Variants in VPS52 observed in about 807,000 individuals in gnomAD.
The protein encoded by VPS52 is VPS52 subunit of GARP complex.
A neutral mutation model predicts 98.7 loss-of-function variants in VPS52; 56 were observed. That is an observed-to-expected ratio of 0.57 (90% CI 0.46 to 0.71). The LOEUF is 0.71. VPS52 is among the 30% of genes least tolerant of loss of function. The pLI is 0.00. For missense variants in VPS52, 742 were observed against 925.9 expected (o/e 0.80, Z 2.58); for synonymous variants, 348 against 346.4 (o/e 1.00, Z -0.05).
chr6:33,264,563 G>C, intron 13 of VPS52, 66 bp from the exon 14 acceptor site: 1 of 1,603,602 alleles, frequency 6.2e-7, no homozygotes, highest in Non-Finnish European at 8.5e-7. Flanking sequence ...GGAGGGAGTG[G>C]GGCATCATTC....
Position 33,250,915 on chromosome 6 carries a change from G to C in VPS52, c.2098C>G (p.Leu700Val). Residue 700 changes from leucine to valine, a missense_variant, in exon 20 of 20, where the codon CTC becomes GTC. This residue lies in a region of VPS52 where 590 missense variants were observed against 793.3 expected (regional missense o/e 0.74). Transcript: ENST00000445902. ...TTGATGAGCTCAGCCCGGGCAGGGA[G>C]GGCTCGGAGCTGCGGCTGGGACAGC... ...RVLSQPQLRA[L>V]PARAELINIH... 6.2e-7 allele frequency: 1 copy of C among 1,613,092 alleles called. No individual in the cohort carries two copies. Among genetic ancestry groups the C allele is most frequent in the South Asian group, 1.1e-5 (1 of 91,086 alleles).
rs779547531 is a variant in VPS52 at position 33,268,075 on chromosome 6, A to G, written c.800+33T>C. 57 of 1,612,828 alleles carry G rather than the reference A, an allele frequency of 3.5e-5. No homozygotes were observed. In the South Asian group the frequency reaches 5.6e-4, roughly 16 times the overall value. Reference sequence around the variant, plus strand: ...CACACTAGGCCGCTCAAAAACTCAAAGGCCATCCCATGCACTTCCTTGGGG... The same window carrying G: ...CACACTAGGCCGCTCAAAAACTCAAGGGCCATCCCATGCACTTCCTTGGGG... On this transcript the variant is annotated intron_variant, in intron 8 of 19. Coordinates refer to ENST00000445902, the MANE Select transcript of VPS52 (RefSeq NM_022553.6). The surrounding 1 kb of genome is among the most constrained non-coding windows in gnomAD (Gnocchi z 4.0).
At chr6:33,270,171 A>T in intron 2 of VPS52, 28 bp downstream of exon 2, 1 of 1,612,242 alleles carries the variant, frequency 6.2e-7, no homozygotes, top group Non-Finnish European at 8.5e-7. Flanking sequence ...GATTACAGGT[A>T]CTGCACCCAC....
At chr6:33,270,081 A>T in intron 2 of VPS52, 30 bp from the exon 3 acceptor site, 1 of 1,614,072 alleles carries the variant, frequency 6.2e-7, no homozygotes, top group South Asian at 1.1e-5. Flanking sequence ...ATAAGGGTCC[A>T]GCTCCACAGC....
intron 5 of VPS52, 140 bp downstream of exon 5, chr6:33,269,350 A>G: frequency 7.0e-7 from 1 of 1,420,082 alleles, no homozygotes; most frequent in Non-Finnish European, 9.8e-7. Flanking sequence ...TATGGCAGTA[A>G]TAACAAAAAA....
intron 1 of VPS52, chr6:33,271,134 T>C: frequency 4.2e-6 from 2 of 471,668 alleles, no homozygotes; most frequent in Non-Finnish European, 3.8e-6. Context: ...ACATAGTGTT[T>C]ACCTGCATGC....
chr6:33,262,040 C>CAAAAAAAAAAAAAAAAAAAA (rs9257102), intron 17 of VPS52, among the ~76,000 whole-genome samples: 2 of 15,378 alleles, frequency 1.3e-4, no homozygotes, highest in Admixed American at 1.8e-3. Context: ...AACTCCATCT[C>CAAAAAAAAAAAAAAAAAAAA]AAAAAAAAAA....
At chr6:33,271,926 A>C, upstream of VPS52, 6 of 1,068,574 alleles carry the variant, frequency 5.6e-6, no homozygotes, top group South Asian at 9.6e-5. Context: ...ACGAACTGTA[A>C]AGAAAGGCGC....
chr6:33,267,829 C>T lies in VPS52; in HGVS notation c.933+36G>A, dbSNP rs1376672414. On this transcript the variant is annotated intron_variant, in intron 9 of 19. Transcript: ENST00000445902. The surrounding 1 kb of genome is among the most constrained non-coding windows in gnomAD (Gnocchi z 4.2). ...CCAGGGATGTCCCCTCCTCCCAGTC[C>T]ATGTGCCCAGGAATACCTCTCCCTC... 2 of 1,612,846 alleles carry T rather than the reference C, an allele frequency of 1.2e-6. No homozygotes were observed.
intron 1 of VPS52, among the ~76,000 whole-genome samples, chr6:33,270,603 TGGGTAACACA>T: frequency 6.6e-6 from 1 of 152,082 alleles, no homozygotes; most frequent in Non-Finnish European, 1.5e-5. Context: ...AAGGTCAACC[TGGGTAACACA>T]GGGAAACCCG....
At chr6:33,262,008 C>G (rs922276212) in intron 17 of VPS52, among the ~76,000 whole-genome samples, 2 of 127,588 alleles carry the variant, frequency 1.6e-5, no homozygotes, top group Admixed American at 9.4e-5. Context: ...CCATCGCACT[C>G]CAGCCTGGAC....
chr6:33,251,484 G>A (rs1432208004), intron 19 of VPS52, 34 bp downstream of exon 19: 1 of 1,345,520 alleles, frequency 7.4e-7, no homozygotes, highest in Non-Finnish European at 1.1e-6. Context: ...TTAATGATGG[G>A]GGATCTGAGT....
intron 17 of VPS52, among the ~76,000 whole-genome samples, chr6:33,256,517 A>C (rs933317074): frequency 6.9e-6 from 1 of 145,522 alleles, no homozygotes; most frequent in African/African-American, 2.5e-5. Flanking sequence ...TAGGGAGCCC[A>C]TGATCATGAT....
rs1431172889 is a variant in VPS52 at position 33,264,766 on chromosome 6, AC to A, written c.1400+15del. ...GTTCGTGGCCTGTTGGGCATCAAGG[AC>A]CAGAATTCAGTGACCTGTCCAGGGC... is the stretch of plus-strand genomic sequence containing the variant. On this transcript the variant is annotated intron_variant, in intron 13 of 19. Coordinates refer to ENST00000445902, the MANE Select transcript of VPS52 (RefSeq NM_022553.6). 7 of 1,609,710 alleles carry A rather than the reference AC, an allele frequency of 4.3e-6. No individual in the cohort carries two copies. Among genetic ancestry groups the A allele is most frequent in the Non-Finnish European group, 5.9e-6 (7 of 1,176,918 alleles).
At chr6:33,269,233 G>A in intron 5 of VPS52, 44 bp from the exon 6 acceptor site, 1 of 1,603,966 alleles carries the variant, frequency 6.2e-7, no homozygotes, top group Non-Finnish European at 8.5e-7. Flanking sequence ...AGGGTTTGTA[G>A]GGGATAAGTG....
rs1166510036 is a variant in VPS52 at position 33,267,816 on chromosome 6, C to T, written c.933+49G>A. ...AAATATTCCTTGCCCAGGGATGTCC[C>T]CTCCTCCCAGTCCATGTGCCCAGGA... On this transcript the variant is annotated intron_variant, in intron 9 of 19. Coordinates refer to ENST00000445902, the MANE Select transcript of VPS52 (RefSeq NM_022553.6). The surrounding 1 kb of genome is among the most constrained non-coding windows in gnomAD (Gnocchi z 4.2). 2 of 1,612,820 alleles carry T rather than the reference C, an allele frequency of 1.2e-6. No homozygotes were observed. The highest frequency in any genetic ancestry group is 1.7e-6 in the Non-Finnish European group (2 of 1,179,976).
rs529282089 is a variant in VPS52, at chr6:33,268,742, C to G, written c.549-93G>C. The G allele has an allele frequency of 2.0e-5, 28 of 1,410,654 alleles. No homozygotes were observed. In the East Asian group the frequency reaches 4.8e-4, roughly 24 times the overall value. The allele number at this position is 1,410,654 out of a possible 1,614,324, so 87.4% of individuals were successfully genotyped here. A position where few individuals can be genotyped will look rare whatever the true frequency, so the allele number is the denominator to read the frequency against. On this transcript the variant is annotated intron_variant, in intron 6 of 19. Transcript: ENST00000445902. This position sits in a 1 kb window ranked among gnomAD's most constrained non-coding sequence, Gnocchi z 4.0. ...CACACTCCTTACCTCCAGCCCCTGT[C>G]ATCTCTACCACCTTGCATTGTACCA... is the stretch of plus-strand genomic sequence containing the variant.
Position 33,264,510 on chromosome 6 carries a change from T to C in VPS52, c.1401-13A>G. 1 of 1,613,756 alleles carries C rather than the reference T, an allele frequency of 6.2e-7. No individual in the cohort carries two copies. Among genetic ancestry groups the C allele is most frequent in the Admixed American group, 1.7e-5 (1 of 59,940 alleles). On this transcript the variant is annotated splice_polypyrimidine_tract_variant and intron_variant, in intron 13 of 19. Coordinates refer to ENST00000445902, the MANE Select transcript of VPS52 (RefSeq NM_022553.6). ...CTGTTCCCAGTACCTGTGGGCTTAA[T>C]CAGAATCAGAGGTCAGCCAGCAAGG... is the stretch of plus-strand genomic sequence containing the variant.
Position 33,263,793 on chromosome 6 carries a change from G to A in VPS52, c.1707C>T (p.Asp569=). ...TTACCATCAGCACACCCAGCATCATGTCATAGTTGTTGATCAGAAACACAA... is the reference window on the plus strand; with the variant it reads ...TTACCATCAGCACACCCAGCATCATATCATAGTTGTTGATCAGAAACACAA... ...EQLVFLINNY[D]MMLGVLMERA... The change falls in exon 16 of 20, where the codon GAC becomes GAT. Residue 569 remains aspartate, a synonymous_variant. Coordinates refer to ENST00000445902, the MANE Select transcript of VPS52 (RefSeq NM_022553.6). 6.2e-7 allele frequency: 1 copy of A among 1,614,214 alleles called. No individual in the cohort carries two copies. Among genetic ancestry groups the A allele is most frequent in the Non-Finnish European group, 8.5e-7 (1 of 1,180,040 alleles).
Sources: gnomAD v4.1 joint callset for allele counts (sites outside exome capture counted in the v4.1 genomes callset) on GRCh38, gnomAD v4.1.1 for gene constraint, gnomAD v4.1.1 regional missense constraint, Gnocchi (gnomAD v3.1) non-coding constraint, MANE v1.5 for transcripts, NCBI Gene and HGNC (gene_info 2026-07-23, HGNC 2026-07-21) for gene names.